Variants in ATP2C2 observed in about 807,000 individuals in gnomAD.
The protein encoded by ATP2C2 is calcium-transporting ATPase type 2C member 2.
Under a neutral mutation model 110.8 loss-of-function variants are expected in ATP2C2, and 171 were observed. That is an observed-to-expected ratio of 1.54 (90% CI 1.36 to 1.75). The LOEUF is 1.75. Among genes scored for constraint, ATP2C2 ranks in the 40% most tolerant of loss-of-function variants. ATP2C2 has a pLI of 0.00. For missense variants in ATP2C2, 1,963 were observed against 1,235.0 expected (o/e 1.59, Z -8.84); for synonymous variants, 804 against 508.4 (o/e 1.58, Z -7.82).
At chr16:84,452,496 ACT>A (rs1491568767) in intron 18 of ATP2C2, among the ~76,000 whole-genome samples, 1 of 66,494 alleles carries the variant, frequency 1.5e-5, no homozygotes, top group African/African-American at 5.5e-5. Context: ...TCCTCTAGTT[ACT>A]TTTTTTTTTT....
At chr16:84,372,721 G>T (rs1216902188) in intron 1 of ATP2C2, among the ~76,000 whole-genome samples, 1 of 152,060 alleles carries the variant, frequency 6.6e-6, no homozygotes, top group Non-Finnish European at 1.5e-5. Flanking sequence ...ACCGCACCTG[G>T]CCAGTGTTGT....
At chr16:84,441,624 A>G (rs1909267313) in intron 14 of ATP2C2, among the ~76,000 whole-genome samples, 1 of 152,062 alleles carries the variant, frequency 6.6e-6, no homozygotes, top group Non-Finnish European at 1.5e-5. Context: ...TTTGCAGATT[A>G]AAAATCAAAA....
chr16:84,432,582 G>A (rs1220431277), intron 11 of ATP2C2, among the ~76,000 whole-genome samples: 3 of 151,970 alleles, frequency 2.0e-5, no homozygotes, highest in Non-Finnish European at 4.4e-5. Flanking sequence ...GTGCAGTGGC[G>A]TGATCTTGGC....
chr16:84,408,174 G>A (rs1377663276), intron 3 of ATP2C2, among the ~76,000 whole-genome samples: 4 of 152,172 alleles, frequency 2.6e-5, no homozygotes, highest in East Asian at 3.9e-4. Context: ...GGCTGAGGCC[G>A]GTGTCTTCAG....
At chr16:84,445,301 C>T (rs1182448007) in intron 15 of ATP2C2, among the ~76,000 whole-genome samples, 1 of 152,032 alleles carries the variant, frequency 6.6e-6, no homozygotes, top group Non-Finnish European at 1.5e-5. Context: ...CTCCGCCTCC[C>T]AGGTTCAAGC....
chr16:84,464,172 T>C lies in ATP2C2; in HGVS notation c.*440T>C, dbSNP rs926555276. 4 of 155,202 alleles carry C rather than the reference T, an allele frequency of 2.6e-5. No homozygotes were observed. Among genetic ancestry groups the C allele is most frequent in the African/African-American group, 9.6e-5 (4 of 41,470 alleles). 9.6% of individuals were successfully genotyped at this position (155,202 alleles called of 1,614,324 possible). A position where few individuals can be genotyped will look rare whatever the true frequency, so the allele number is the denominator to read the frequency against. On this transcript the variant is annotated 3_prime_UTR_variant, in exon 27 of 27. Coordinates refer to ENST00000262429, the MANE Select transcript of ATP2C2 (RefSeq NM_014861.4). ...TGAGGGACTTTTAAATAAAGTGCTA[T>C]GCCGGGGGATAATTATTTTGATGTG... is the stretch of plus-strand genomic sequence containing the variant.
chr16:84,428,386 T>TA (rs1907971860), intron 11 of ATP2C2, among the ~76,000 whole-genome samples: 1 of 152,220 alleles, frequency 6.6e-6, no homozygotes, highest in African/African-American at 2.4e-5. Flanking sequence ...GGGCAGGTGG[T>TA]AAAATCAACA....
intron 24 of ATP2C2, 38 bp downstream of exon 24, chr16:84,460,839 G>C: frequency 6.3e-7 from 1 of 1,583,986 alleles, no homozygotes; most frequent in South Asian, 1.2e-5. Context: ...TCCAAGCCCT[G>C]GTGCGGTGCA....
chr16:84,450,993 G>A (rs890696243), intron 17 of ATP2C2, among the ~76,000 whole-genome samples: 3 of 152,162 alleles, frequency 2.0e-5, no homozygotes, highest in Admixed American at 1.3e-4. Flanking sequence ...AGTGGGGTGG[G>A]TCTTATACCA....
At chr16:84,446,227 T>G in intron 15 of ATP2C2, 102 bp from the exon 16 acceptor site, 1 of 556,200 alleles carries the variant, frequency 1.8e-6, no homozygotes, top group Non-Finnish European at 2.9e-6. Flanking sequence ...ATTTCTTATC[T>G]GCCAGAGGTG....
Position 84,440,939 on chromosome 16 carries a change from C to T in ATP2C2, c.1292C>T (p.Ser431Leu), listed in dbSNP as rs760020623. 2 of 1,612,492 alleles carry T rather than the reference C, an allele frequency of 1.2e-6. No individual in the cohort carries two copies. The highest frequency in any genetic ancestry group is 1.7e-6 in the Non-Finnish European group (2 of 1,179,520). ...KEVIKEFSNV[S>L]VGKLVEAGCV... Reference sequence around the variant, plus strand: ...GTCATTAAGGAATTTTCCAATGTCTCAGTGGGAAAGTTAGTGGAGGTAGGT... The same window carrying T: ...GTCATTAAGGAATTTTCCAATGTCTTAGTGGGAAAGTTAGTGGAGGTAGGT... Residue 431 changes from serine (S) to leucine (L), a missense_variant, in exon 14 of 27, where the codon TCA (serine) becomes TTA (leucine). Ser to Leu is a moderately radical substitution (Grantham distance 145). Transcript: ENST00000262429.
chr16:84,439,384 G>A, intron 12 of ATP2C2, 43 bp from the exon 13 acceptor site: 1 of 1,595,822 alleles, frequency 6.3e-7, no homozygotes, highest in East Asian at 2.3e-5. Context: ...ACAAGCCTGA[G>A]GATGGCAACT....
intron 1 of ATP2C2, among the ~76,000 whole-genome samples, chr16:84,396,234 G>C (rs1904966247): frequency 6.6e-6 from 1 of 151,988 alleles, no homozygotes; most frequent in Non-Finnish European, 1.5e-5. Flanking sequence ...GTGTGTGTGT[G>C]TGTGTGTGAG....
At chr16:84,370,142 G>GCTTT (rs1909866377) in intron 1 of ATP2C2, among the ~76,000 whole-genome samples, 1 of 132,764 alleles carries the variant, frequency 7.5e-6, no homozygotes, top group East Asian at 2.7e-4. Flanking sequence ...GAATGCAGGT[G>GCTTT]CATGGATGAT....
chr16:84,381,541 C>G (rs567932187), intron 1 of ATP2C2, among the ~76,000 whole-genome samples: 1 of 152,220 alleles, frequency 6.6e-6, no homozygotes, highest in South Asian at 2.1e-4. Flanking sequence ...CATGCCACTG[C>G]ACTCCAGCCT....
chr16:84,391,931 C>G (rs530235929), intron 1 of ATP2C2, among the ~76,000 whole-genome samples: 7 of 148,748 alleles, frequency 4.7e-5, no homozygotes, highest in African/African-American at 1.7e-4. Context: ...TTTTTTAAAA[C>G]AAAACTAGGA....
chr16:84,378,863 C>T (rs747093115), intron 1 of ATP2C2, among the ~76,000 whole-genome samples: 7 of 152,150 alleles, frequency 4.6e-5, no homozygotes, highest in Non-Finnish European at 8.8e-5. Flanking sequence ...GGCTCACCGT[C>T]GCGAGGTCCC....
At position 84,398,579 on chromosome 16, in the gene ATP2C2, C is replaced by T. The variant is rs748423125; in HGVS notation, c.180C>T (p.Cys60=). 3 of 1,610,164 alleles carry T rather than the reference C, an allele frequency of 1.9e-6. No homozygotes were observed. The Admixed American group carries it at 5.0e-5, about 27-fold the overall frequency. ...TALPPKEACK[C]QKEDLARAFC... is the part of the protein sequence containing the mutation. The stretch of plus-strand genomic sequence containing the variant: ...TGCCCCCCAAGGAAGCGTGCAAATG[C>T]CAGAAAGAGGATTTGGCCAGAGCGT... Residue 60 remains cysteine (C), a synonymous_variant, in exon 2 of 27, where the codon TGC becomes TGT. Transcript: ENST00000262429.
In ATP2C2 at chr16:84,454,955, C is replaced by A; in HGVS notation, c.2118C>A (p.Ile706=). Residue 706 remains isoleucine, a synonymous_variant, in exon 21 of 27, where the codon ATC becomes ATA. Transcript: ENST00000262429. Reference sequence around the variant, plus strand: ...TCAGCAAAGAGGCCGCCAACATGATCCTGGTGGATGATGACTTCTCAGCCA... The same window carrying A: ...TCAGCAAAGAGGCCGCCAACATGATACTGGTGGATGATGACTTCTCAGCCA... ...TDVSKEAANM[I]LVDDDFSAIM... The A allele has an allele frequency of 6.2e-7, 1 of 1,613,712 alleles. No individual in the cohort carries two copies. The highest frequency in any genetic ancestry group is 8.5e-7 in the Non-Finnish European group (1 of 1,179,900).
Sources: gnomAD v4.1 joint callset for allele counts (sites outside exome capture counted in the v4.1 genomes callset) on GRCh38, gnomAD v4.1.1 for gene constraint, MANE v1.5 for transcripts, NCBI Gene and HGNC (gene_info 2026-07-23, HGNC 2026-07-21) for gene names.